GRHL2: variants seen among roughly 807,000 people sequenced by gnomAD.
GRHL2 encodes grainyhead like transcription factor 2, also known as grainyhead-like protein 2 homolog.
In GRHL2, 21 loss-of-function variants were observed where a neutral mutation model predicts 83.8. The observed-to-expected ratio is 0.25, with a 90% CI of 0.18 to 0.36. The LOEUF (loss-of-function observed/expected upper bound fraction) is 0.36. Ranked by LOEUF, GRHL2 falls within the 10% of genes least tolerant of loss-of-function variation. The pLI, the probability that GRHL2 is intolerant of heterozygous loss-of-function variation, is 1.00. For synonymous variants in GRHL2, 280 were observed against 278.9 expected, an observed-to-expected ratio of 1.00 and a Z score of -0.04; for missense variants, 623 against 781.8, an observed-to-expected ratio of 0.80 and a Z score of 2.42.
intron 9 of GRHL2, among the ~76,000 whole-genome samples, chr8:101,625,756 G>A (rs1053511700): frequency 5.3e-5 from 8 of 151,958 alleles, no homozygotes; most frequent in African/African-American, 1.4e-4. Context: ...TTTACGTATC[G>A]GTCAGTAAAT....
downstream of GRHL2, among the ~76,000 whole-genome samples, chr8:101,670,400 T>TAAAC (rs1223754477): frequency 6.6e-6 from 1 of 152,242 alleles, no homozygotes; most frequent in East Asian, 1.9e-4. Flanking sequence ...AAATCTTGGC[T>TAAAC]AAACATCATT....
chr8:101,674,356 TA>T (rs1297885183), downstream of GRHL2, among the ~76,000 whole-genome samples: 3 of 152,088 alleles, frequency 2.0e-5, no homozygotes, highest in East Asian at 1.9e-4. Flanking sequence ...AAAGATGTAA[TA>T]AAAAATGATA....
chr8:101,543,109 C>A, intron 1 of GRHL2, 132 bp from the exon 2 acceptor site: 1 of 764,946 alleles, frequency 1.3e-6, no homozygotes, highest in Middle Eastern at 3.6e-4. Flanking sequence ...TAACTTTAAA[C>A]TTCTTCCCTT....
chr8:101,609,176 G>A (rs1179313962), intron 8 of GRHL2, among the ~76,000 whole-genome samples: 10 of 150,340 alleles, frequency 6.7e-5, no homozygotes, highest in African/African-American at 2.5e-4. Flanking sequence ...GAAGGAAGGG[G>A]TGGTGAGTAA....
chr8:101,604,062 G>T (rs778848297), intron 8 of GRHL2, among the ~76,000 whole-genome samples: 7 of 147,342 alleles, frequency 4.8e-5, no homozygotes, highest in Admixed American at 6.8e-5. Context: ...AAGTGTGTTT[G>T]TGTGTATGTG....
intron 14 of GRHL2, among the ~76,000 whole-genome samples, chr8:101,660,683 AATT>A (rs1270778646): frequency 3.3e-5 from 5 of 152,230 alleles, no homozygotes; most frequent in East Asian, 1.9e-4. Flanking sequence ...TAAATTTGAA[AATT>A]ATTATTTACG....
intron 9 of GRHL2, among the ~76,000 whole-genome samples, chr8:101,622,413 C>T (rs148610562): frequency 3.8e-4 from 58 of 152,166 alleles, no homozygotes; most frequent in Admixed American, 6.5e-4. Flanking sequence ...ATTGATAAAA[C>T]GATGGGTGGT....
intron 2 of GRHL2, among the ~76,000 whole-genome samples, chr8:101,550,000 G>A (rs1174717534): frequency 6.6e-6 from 1 of 151,986 alleles, no homozygotes; most frequent in East Asian, 1.9e-4. Context: ...TCAGGGTATA[G>A]TGGCAGGCAG....
intron 9 of GRHL2, 47 bp downstream of exon 9, chr8:101,619,744 T>C (rs1321087658): frequency 1.1e-5 from 15 of 1,420,352 alleles, no homozygotes; most frequent in Middle Eastern, 1.8e-4. Context: ...TTTTATTAGA[T>C]ATTACTTTTA....
rs1563579637 is a variant in GRHL2 at position 101,558,704 on chromosome 8, T to C, written c.570T>C (p.Thr190=). 1 of 1,614,072 alleles carries C rather than the reference T, an allele frequency of 6.2e-7. No homozygotes were observed. The highest frequency in any genetic ancestry group is 8.5e-7 in the Non-Finnish European group (1 of 1,180,030). ...EEQRVVIFEQ[T]QYDVPSLATH... The stretch of plus-strand genomic sequence containing the variant: ...AACGAGTGGTTATCTTTGAACAGAC[T>C]CAGTATGACGTGCCCTCGCTGGCCA... Residue 190 remains threonine, a synonymous_variant, in exon 4 of 16, where the codon ACT becomes ACC. Transcript: ENST00000646743.
intron 9 of GRHL2, among the ~76,000 whole-genome samples, chr8:101,624,067 TCACAGTACACAGTAGGACAGTA>T (rs1194898277): frequency 7.2e-6 from 1 of 138,742 alleles, no homozygotes; most frequent in African/African-American, 2.8e-5. Context: ...GTAGAACAGT[TCACAGTACACAGTAGGACAGTA>T]CACAGTAGGA....
chr8:101,582,378 G>A (rs1006909857), intron 7 of GRHL2, among the ~76,000 whole-genome samples: 1 of 152,178 alleles, frequency 6.6e-6, no homozygotes, highest in African/African-American at 2.4e-5. Flanking sequence ...CAGAGAGTAG[G>A]GTTAAGGAAG....
intron 1 of GRHL2, among the ~76,000 whole-genome samples, chr8:101,540,450 A>G (rs1303111323): frequency 6.6e-6 from 1 of 152,190 alleles, no homozygotes; most frequent in Admixed American, 6.5e-5. Flanking sequence ...ATACCCTTGT[A>G]ATCTAACTCA....
chr8:101,645,535 G>A (rs560678348), intron 13 of GRHL2, among the ~76,000 whole-genome samples: 4 of 152,186 alleles, frequency 2.6e-5, no homozygotes, highest in Non-Finnish European at 5.9e-5. Flanking sequence ...AAGAGAACCC[G>A]TCTGTAGCCT....
At chr8:101,512,059 A>G (rs1810477443) in intron 1 of GRHL2, among the ~76,000 whole-genome samples, 1 of 152,186 alleles carries the variant, frequency 6.6e-6, no homozygotes, top group Non-Finnish European at 1.5e-5. Flanking sequence ...CTATGAAGCA[A>G]CTATTTATTT....
chr8:101,514,832 C>T (rs971282218), intron 1 of GRHL2, among the ~76,000 whole-genome samples: 1 of 152,042 alleles, frequency 6.6e-6, no homozygotes, highest in Non-Finnish European at 1.5e-5. Context: ...CCTTTAAGTT[C>T]CACTTCCATG....
intron 4 of GRHL2, chr8:101,561,958 G>T: frequency 4.7e-6 from 3 of 643,544 alleles, no homozygotes; most frequent in Non-Finnish European, 8.6e-6. Flanking sequence ...TCTCCAAAGG[G>T]CATTTTCAAA....
intron 14 of GRHL2, among the ~76,000 whole-genome samples, chr8:101,658,810 C>T (rs1387154740): frequency 6.6e-6 from 1 of 152,090 alleles, no homozygotes; most frequent in East Asian, 1.9e-4. Flanking sequence ...GTAACCCTAA[C>T]CAAAGTTCAA....
In GRHL2 at chr8:101,660,252, C is replaced by A. The variant is rs184009806; in HGVS notation, c.1699-4202C>A. On this transcript the variant is annotated intron_variant, in intron 14 of 15. Coordinates refer to ENST00000646743, the MANE Select transcript of GRHL2 (RefSeq NM_024915.4). ...TGCTGTAGCTTCTCCGTCAATAGTG[C>A]TTTTTATCATTATATCATATATCCA... Among the ~76,000 whole-genome samples, 20 of 152,098 alleles carry A rather than the reference C, an allele frequency of 1.3e-4. No homozygotes were observed. The East Asian group carries it at 3.7e-3, about 28-fold the overall frequency.
Sources: gnomAD v4.1 joint callset for allele counts (sites outside exome capture counted in the v4.1 genomes callset) on GRCh38, gnomAD v4.1.1 for gene constraint, MANE v1.5 for transcripts, NCBI Gene and HGNC (gene_info 2026-07-23, HGNC 2026-07-21) for gene names.